Variants in VPS35L observed in about 807,000 individuals in gnomAD.
VPS35L encodes the protein VPS35 endosomal protein sorting factor like, also known as VPS35 endosomal protein-sorting factor-like.
VPS35L carries 83 observed loss-of-function variants against 133.0 expected under a neutral mutation model. The ratio of observed to expected loss-of-function variants is 0.62; its 90% CI spans 0.52 to 0.75. The LOEUF (loss-of-function observed/expected upper bound fraction) is 0.75, where lower values mean the gene tolerates loss of function less well. Ranked by LOEUF, VPS35L falls within the 30% of genes least tolerant of loss-of-function variation. The pLI, the probability that VPS35L is intolerant of heterozygous loss-of-function variation, is 0.00. For missense variants in VPS35L, 1,083 were observed against 1,206.8 expected (o/e 0.90, Z 1.52); for synonymous variants, 423 against 449.9 (o/e 0.94, Z 0.76).
chr16:19,618,921 G>GT (rs112519752), intron 14 of VPS35L, among the ~76,000 whole-genome samples: 3,820 of 137,704 alleles, frequency 0.028, 147 homozygotes, highest in African/African-American at 0.082. Flanking sequence ...TTGCCTATCT[G>GT]TTTTTTTTTT....
chr16:19,627,909 C>T (rs1973320663), intron 16 of VPS35L, 104 bp downstream of exon 16: 1 of 887,178 alleles, frequency 1.1e-6, no homozygotes, highest in Non-Finnish European at 1.8e-6. Flanking sequence ...CCAGCAGGAA[C>T]ACAGGCGAAG....
Position 19,636,576 on chromosome 16 carries a change from C to G in VPS35L, c.1636-1018C>G, listed in dbSNP as rs138870089. On this transcript the variant is annotated intron_variant, in intron 19 of 30. Coordinates refer to ENST00000417362, the MANE Select transcript of VPS35L (RefSeq NM_020314.7). ...TTGTTTATGATGAAGTTTTGAAGTC[C>G]TTTATTAGTTTTTTGCTTGACTGAC... Among the ~76,000 whole-genome samples, 191 of 152,228 alleles carry G rather than the reference C, an allele frequency of 1.3e-3. 3 individuals carry two copies. In the East Asian group the frequency reaches 0.022, roughly 17 times the overall value.
chr16:19,584,627 C>CAA (rs34652566), intron 7 of VPS35L, among the ~76,000 whole-genome samples: 3,367 of 102,646 alleles, frequency 0.033, 147 homozygotes, highest in African/African-American at 0.1. Context: ...AACTCTGTCT[C>CAA]AAAAAAAAAA....
At chr16:19,649,469 A>G (rs1567454763) in intron 24 of VPS35L, among the ~76,000 whole-genome samples, 3 of 152,264 alleles carry the variant, frequency 2.0e-5, no homozygotes, top group Non-Finnish European at 2.9e-5. Context: ...GTAGCCACGA[A>G]AAACAAGTTT....
chr16:19,687,498 A>C (rs1365539732), intron 28 of VPS35L, among the ~76,000 whole-genome samples: 3 of 151,896 alleles, frequency 2.0e-5, no homozygotes, highest in Non-Finnish European at 4.4e-5. Flanking sequence ...TCTGAGATTG[A>C]CTCCTGCGGC....
At chr16:19,628,785 AT>A (rs781631406) in intron 17 of VPS35L, 32 bp downstream of exon 17, 31 of 797,380 alleles carry the variant, frequency 3.9e-5, no homozygotes, top group Middle Eastern at 7.1e-4. Flanking sequence ...ATTTTTATTT[AT>A]TTATTTATTT....
rs369789134 is a variant in VPS35L, at chr16:19,645,324, C to G, written c.1929+375C>G. On this transcript the variant is annotated intron_variant, in intron 23 of 30. Coordinates refer to ENST00000417362, the MANE Select transcript of VPS35L (RefSeq NM_020314.7). ...TTTTTTTTTGAGATGGAGTCTCGCT[C>G]TGTCGCCCAGGCTGGAGTGCAGTGG... Among the ~76,000 whole-genome samples the G allele has an allele frequency of 5.3e-3, 772 of 145,534 alleles. 5 individuals carry two copies. Among genetic ancestry groups the G allele is most frequent in the African/African-American group, 0.019 (729 of 39,162 alleles).
chr16:19,571,449 A>G (rs226875), intron 3 of VPS35L, among the ~76,000 whole-genome samples: 84,247 of 151,998 alleles, frequency 0.55, 26,570 homozygotes, highest in African/African-American at 0.86. Flanking sequence ...ACTCCTGGGC[A>G]CAAGCAATCC....
At chr16:19,660,340 A>G (rs1597404475) in intron 26 of VPS35L, among the ~76,000 whole-genome samples, 2 of 151,956 alleles carry the variant, frequency 1.3e-5, no homozygotes, top group African/African-American at 4.8e-5. Context: ...AAAAAAAAAA[A>G]ATAAAGAAGA....
At chr16:19,670,197 T>C (rs1974829551) in intron 27 of VPS35L, among the ~76,000 whole-genome samples, 1 of 152,204 alleles carries the variant, frequency 6.6e-6, no homozygotes, top group Non-Finnish European at 1.5e-5. Flanking sequence ...CTCTGGGACC[T>C]AATTACTACC....
At chr16:19,652,114 C>A (rs180993482) in intron 26 of VPS35L, 24 bp downstream of exon 26, 1 of 1,475,950 alleles carries the variant, frequency 6.8e-7, no homozygotes, top group Non-Finnish European at 9.4e-7. Context: ...TCTCTCATCT[C>A]GGGCACTCCC....
intron 8 of VPS35L, among the ~76,000 whole-genome samples, chr16:19,593,151 C>A (rs1477811132): frequency 1.3e-5 from 2 of 152,144 alleles, no homozygotes; most frequent in Admixed American, 1.3e-4. Context: ...GAGCAGGAGG[C>A]CCCTGTGCTG....
chr16:19,561,853 C>A (rs1434214358), intron 1 of VPS35L, among the ~76,000 whole-genome samples: 1 of 152,156 alleles, frequency 6.6e-6, no homozygotes, highest in Admixed American at 6.5e-5. Flanking sequence ...CGTTTCTAAT[C>A]CCAGCAGTTT....
chr16:19,654,785 A>C (rs1009093369), intron 26 of VPS35L, among the ~76,000 whole-genome samples: 1 of 152,214 alleles, frequency 6.6e-6, no homozygotes, highest in Non-Finnish European at 1.5e-5. Flanking sequence ...TGTGAGCTGC[A>C]GATACCAAAG....
chr16:19,575,373 C>T (rs1009699888), intron 5 of VPS35L, among the ~76,000 whole-genome samples: 1 of 151,874 alleles, frequency 6.6e-6, no homozygotes, highest in Non-Finnish European at 1.5e-5. Context: ...TGGTACCAGC[C>T]TGGCCAACAT....
At chr16:19,669,086 A>G in intron 26 of VPS35L, 74 bp from the exon 27 acceptor site, 1 of 1,493,398 alleles carries the variant, frequency 6.7e-7, no homozygotes, top group East Asian at 2.3e-5. Context: ...ACTGGCCTTC[A>G]GGCCACGTGA....
At chr16:19,561,623 G>T (rs1971031691) in intron 1 of VPS35L, among the ~76,000 whole-genome samples, 1 of 152,134 alleles carries the variant, frequency 6.6e-6, no homozygotes, top group African/African-American at 2.4e-5. Context: ...GAATCTAAAT[G>T]GGAGCAGAAG....
chr16:19,667,761 A>C (rs563616251), intron 26 of VPS35L, among the ~76,000 whole-genome samples: 1 of 151,992 alleles, frequency 6.6e-6, no homozygotes, highest in Non-Finnish European at 1.5e-5. Context: ...ACCAGAAAAA[A>C]AAATAGTTGT....
At position 19,700,728 on chromosome 16, in the gene VPS35L, C is replaced by G. The variant is rs1976102723; in HGVS notation, c.*252C>G. The G allele has an allele frequency of 2.3e-6, 1 of 441,882 alleles. No homozygotes were observed. Among genetic ancestry groups the G allele is most frequent in the African/African-American group, 2.0e-5 (1 of 51,206 alleles). 27.4% of individuals were successfully genotyped at this position (441,882 alleles called of 1,614,324 possible). ...TGTCTTTGCACAAGTGGCCTTCGGT[C>G]TACTCAGCCCGATCTGATGGGCCTT... is the stretch of plus-strand genomic sequence containing the variant. On this transcript the variant is annotated 3_prime_UTR_variant, in exon 31 of 31. Transcript: ENST00000417362.
Sources: allele counts gnomAD v4.1 joint callset (sites outside exome capture counted in the v4.1 genomes callset), GRCh38; gene constraint gnomAD v4.1.1; transcripts MANE v1.5; gene names NCBI Gene and HGNC (gene_info 2026-07-23, HGNC 2026-07-21).